CENPN: variants seen among roughly 807,000 people sequenced by gnomAD.
CENPN encodes the protein centromere protein N.
CENPN carries 36 observed loss-of-function variants against 48.6 expected under a neutral mutation model. The observed-to-expected ratio is 0.74, with a 90% CI of 0.57 to 0.98. The LOEUF is 0.98. Ranked by LOEUF, CENPN falls within the 50% of genes least tolerant of loss-of-function variation. The pLI is 0.00. For missense variants in CENPN, 439 were observed against 399.2 expected, an observed-to-expected ratio of 1.10 and a Z score of -0.85; for synonymous variants, 166 against 135.2, an observed-to-expected ratio of 1.23 and a Z score of -1.58.
intron 1 of CENPN, among the ~76,000 whole-genome samples, chr16:81,008,620 GCCCGGCGCGCT>G (rs1382552749): frequency 6.6e-6 from 1 of 152,050 alleles, no homozygotes; most frequent in East Asian, 1.9e-4. Context: ...GATACACCAC[GCCCGGCGCGCT>G]CCCGGCCCCT....
intron 1 of CENPN, among the ~76,000 whole-genome samples, chr16:81,007,617 T>G (rs1301192182): frequency 6.6e-6 from 1 of 152,172 alleles, no homozygotes; most frequent in Non-Finnish European, 1.5e-5. Context: ...GGGGTTTTGC[T>G]TTTCTGTCAC....
chr16:81,024,927 G>T, intron 8 of CENPN, 149 bp downstream of exon 8: 3 of 487,244 alleles, frequency 6.2e-6, no homozygotes, highest in South Asian at 6.8e-5. Flanking sequence ...TGTTGAAGGA[G>T]GAAAGCTAAT....
At chr16:81,026,173 A>G (rs1431690605) in intron 8 of CENPN, among the ~76,000 whole-genome samples, 2 of 147,064 alleles carry the variant, frequency 1.4e-5, no homozygotes, top group Non-Finnish European at 3.0e-5. Context: ...ATATGTGTAT[A>G]TATATGTGTG....
intron 7 of CENPN, 164 bp from the exon 8 acceptor site, chr16:81,024,551 T>G (rs1205946632): frequency 2.2e-6 from 1 of 449,590 alleles, no homozygotes; most frequent in Non-Finnish European, 3.9e-6. Context: ...GCAGCCTCCT[T>G]GTCAGTGTCC....
chr16:81,029,236 A>C lies in CENPN; in HGVS notation c.*585A>C. The C allele has an allele frequency of 3.3e-6, 3 of 919,710 alleles. No individual in the cohort carries two copies. The highest frequency in any genetic ancestry group is 3.9e-6 in the Non-Finnish European group (3 of 770,080). 57.0% of individuals were successfully genotyped at this position (919,710 alleles called of 1,614,324 possible). On this transcript the variant is annotated 3_prime_UTR_variant, in exon 11 of 11. Transcript: ENST00000305850. ...TCTTATTGTAAATATGATACTTCTC[A>C]TAATCTATTTTATCATGTGTATAAC...
In CENPN at chr16:81,013,904, C is replaced by T. The variant is rs148208365; in HGVS notation, c.172-232C>T. 1.5e-3 allele frequency among the ~76,000 whole-genome samples: 225 copies of T among 151,996 alleles called. 1 individual carries two copies. The highest frequency in any genetic ancestry group is 5.3e-3 in the African/African-American group (219 of 41,444). On this transcript the variant is annotated intron_variant, in intron 2 of 10. Transcript: ENST00000305850. ...TCAATAAAGTTAATTTTTAAAAAAT[C>T]AAAAAGTTAAAAGTGATAAATGAGG...
At position 81,031,046 on chromosome 16, in the gene CENPN, C is replaced by T. The variant is rs1970751437; in HGVS notation, c.*2395C>T. ...CCTAGGTGACAGAGTGAGACTCCATCTTAAAAAATAAATAAATAAAATAAA... is the reference window on the plus strand; with the variant it reads ...CCTAGGTGACAGAGTGAGACTCCATTTTAAAAAATAAATAAATAAAATAAA... On this transcript the variant is annotated 3_prime_UTR_variant, in exon 11 of 11. Transcript: ENST00000305850. 6.6e-6 allele frequency: 1 copy of T among 151,766 alleles called. No individual in the cohort carries two copies. Among genetic ancestry groups the T allele is most frequent in the Non-Finnish European group, 1.5e-5 (1 of 67,996 alleles). The allele number at this position is 151,766 out of a possible 1,614,324, so 9.4% of individuals were successfully genotyped here.
chr16:81,021,663 C>T (rs1292521437), intron 6 of CENPN, among the ~76,000 whole-genome samples: 1 of 152,078 alleles, frequency 6.6e-6, no homozygotes, highest in Non-Finnish European at 1.5e-5. Flanking sequence ...TTTGGGGTCT[C>T]CTGCTCCATG....
At chr16:81,020,334 A>G in intron 6 of CENPN, 58 bp downstream of exon 6, 5 of 1,500,734 alleles carry the variant, frequency 3.3e-6, no homozygotes, top group Non-Finnish European at 4.5e-6. Context: ...AAAGGTCTAT[A>G]TAGATTTTAA....
At position 81,030,425 on chromosome 16, in the gene CENPN, A is replaced by T; in HGVS notation, c.*1774A>T. 2 of 982,224 alleles carry T rather than the reference A, an allele frequency of 2.0e-6. No individual in the cohort carries two copies. Among genetic ancestry groups the T allele is most frequent in the Non-Finnish European group, 2.4e-6 (2 of 827,104 alleles). 60.8% of individuals were successfully genotyped at this position (982,224 alleles called of 1,614,324 possible). On this transcript the variant is annotated 3_prime_UTR_variant, in exon 11 of 11. Transcript: ENST00000305850. ...GGGGAGGGGGTTTCCCCCACACATT[A>T]AGCAAGTGTGAAACATGATATAGAA...
In CENPN at chr16:81,024,492, A is replaced by G. The variant is rs149724897; in HGVS notation, c.634-223A>G. On this transcript the variant is annotated intron_variant, in intron 7 of 10. Coordinates refer to ENST00000305850, the MANE Select transcript of CENPN (RefSeq NM_001100624.3). ...CTCTGCACTCACCAGATCCATTTCT[A>G]TGATAAAGCACAGAGCTCCTCAAAC... 2.0e-4 allele frequency: 75 copies of G among 375,648 alleles called. 1 individual carries two copies. The highest frequency in any genetic ancestry group is 6.7e-5 in the Non-Finnish European group (14 of 207,806). The allele number at this position is 375,648 out of a possible 1,614,324, so 23.3% of individuals were successfully genotyped here.
chr16:81,008,770 G>C (rs573001083), intron 1 of CENPN, among the ~76,000 whole-genome samples: 4 of 152,314 alleles, frequency 2.6e-5, no homozygotes, highest in South Asian at 4.1e-4. Context: ...GACTGTTCTT[G>C]GCCTGATTAG....
rs779236016 is a variant in CENPN at position 81,028,522 on chromosome 16, G to C, written c.938-47G>C. ...AACTGACTCAAATCCATCCTCCTGT[G>C]ATGACTTTTAATTTTCTTTTTCCCT... is the stretch of plus-strand genomic sequence containing the variant. On this transcript the variant is annotated intron_variant, in intron 10 of 10. Transcript: ENST00000305850. 79 of 1,590,048 alleles carry C rather than the reference G, an allele frequency of 5.0e-5. No individual in the cohort carries two copies. In the Middle Eastern group the frequency reaches 1.3e-3, roughly 27 times the overall value.
chr16:81,023,408 A>C (rs1261038417), intron 7 of CENPN: 1 of 156,200 alleles, frequency 6.4e-6, no homozygotes, highest in East Asian at 1.9e-4. Context: ...TTATATCATG[A>C]GGCCAGGCAC....
chr16:81,017,649 T>C, intron 4 of CENPN, 109 bp from the exon 5 acceptor site: 1 of 806,462 alleles, frequency 1.2e-6, no homozygotes, highest in Non-Finnish European at 2.0e-6. Flanking sequence ...TTGATCATTA[T>C]TACTCTGGAA....
intron 1 of CENPN, among the ~76,000 whole-genome samples, chr16:81,010,719 G>C (rs145774295): frequency 3.9e-5 from 6 of 152,182 alleles, no homozygotes; most frequent in African/African-American, 1.2e-4. Flanking sequence ...TGCCTCTCTC[G>C]CAGTCTTGGC....
downstream of CENPN, chr16:81,032,766 C>T (rs1189558843): frequency 3.5e-6 from 5 of 1,437,612 alleles, no homozygotes; most frequent in Admixed American, 8.4e-5. Flanking sequence ...ATACAGCTAA[C>T]TGCTATAGAC....
In CENPN at chr16:81,030,344, A is replaced by C. The variant is rs778368246; in HGVS notation, c.*1693A>C. ...CATGGTGGCTCACACTTGTAATCCC[A>C]GCACTTCAGGAGGTTTCTCCTAGTG... On this transcript the variant is annotated 3_prime_UTR_variant, in exon 11 of 11. Transcript: ENST00000305850. The C allele has an allele frequency of 2.2e-4, 218 of 985,292 alleles. No homozygotes were observed. The highest frequency in any genetic ancestry group is 2.4e-4 in the Non-Finnish European group (197 of 829,894). 61.0% of individuals were successfully genotyped at this position (985,292 alleles called of 1,614,324 possible).
intron 1 of CENPN, among the ~76,000 whole-genome samples, chr16:81,008,267 A>G (rs1221974867): frequency 1.3e-5 from 2 of 152,196 alleles, no homozygotes; most frequent in African/African-American, 4.8e-5. Flanking sequence ...GTACTTTTTA[A>G]AAGATGCTAA....
Sources: allele counts gnomAD v4.1 joint callset (sites outside exome capture counted in the v4.1 genomes callset), GRCh38; gene constraint gnomAD v4.1.1; transcripts MANE v1.5; gene names NCBI Gene and HGNC (gene_info 2026-07-23, HGNC 2026-07-21).